Variants in ST6GAL1 observed in about 807,000 individuals in gnomAD.
The protein encoded by ST6GAL1 is ST6 beta-galactoside alpha-2,6-sialyltransferase 1.
Under a neutral mutation model 38.0 loss-of-function variants are expected in ST6GAL1, and 20 were observed. The ratio of observed to expected loss-of-function variants is 0.53; its 90% confidence interval spans 0.37 to 0.77. The LOEUF (loss-of-function observed/expected upper bound fraction) is 0.77, where lower values mean the gene tolerates loss of function less well. Ranked by LOEUF, ST6GAL1 falls within the 30% of genes least tolerant of loss-of-function variation. The pLI is 0.00. For missense variants in ST6GAL1, 432 were observed against 496.4 expected, an observed-to-expected ratio of 0.87 and a Z score of 1.23; for synonymous variants, 196 against 188.2, an observed-to-expected ratio of 1.04 and a Z score of -0.34.
At position 187,075,420 on chromosome 3, in the gene ST6GAL1, A is replaced by T; in HGVS notation, c.980-142A>T. On this transcript the variant is annotated intron_variant, in intron 7 of 7. Transcript: ENST00000169298. This position sits in a 1 kb window ranked among gnomAD's most constrained non-coding sequence, Gnocchi z 4.1. ...CTGGGCTTGGCTTGCTGAAACTTAG[A>T]TTGGGAATCACAGTCATAAATAGAA... The T allele has an allele frequency of 7.7e-7, 1 of 1,302,416 alleles. No individual in the cohort carries two copies. The highest frequency in any genetic ancestry group is 1.0e-6 in the Non-Finnish European group (1 of 953,042). The allele number at this position is 1,302,416 out of a possible 1,614,324, so 80.7% of individuals were successfully genotyped here.
chr3:187,071,725 A>G (rs768656714), intron 5 of ST6GAL1, among the ~76,000 whole-genome samples: 13 of 141,846 alleles, frequency 9.2e-5, no homozygotes, highest in Non-Finnish European at 1.8e-4. Flanking sequence ...ACGCCACTGC[A>G]CTCCAGCCTG....
At chr3:187,060,585 G>C (rs1266689978) in intron 5 of ST6GAL1, among the ~76,000 whole-genome samples, 1 of 152,224 alleles carries the variant, frequency 6.6e-6, no homozygotes, top group Non-Finnish European at 1.5e-5. Flanking sequence ...AAGTAGTCTG[G>C]GTTAGATACG....
rs140884568 is a variant in ST6GAL1, at chr3:187,058,673, G to A, written c.705+7327G>A. 5.9e-3 allele frequency among the ~76,000 whole-genome samples: 892 copies of A among 151,400 alleles called. 9 individuals are homozygous for A. The East Asian group carries it at 0.062, about 10-fold the overall frequency. On this transcript the variant is annotated intron_variant, in intron 5 of 7. Transcript: ENST00000169298. ...TTATTATTATTTGAGATGGAGTTTC[G>A]CTCTGTCACCCAGGCTGGAGTGCAG...
chr3:186,982,775 G>A (rs962314304), intron 2 of ST6GAL1, among the ~76,000 whole-genome samples: 1 of 151,368 alleles, frequency 6.6e-6, no homozygotes, highest in African/African-American at 2.4e-5. Flanking sequence ...TCCGCTACCC[G>A]GGTTCAAGTG....
chr3:186,978,970 T>TGACTTCC (rs1560148918), intron 2 of ST6GAL1, among the ~76,000 whole-genome samples: 1 of 151,952 alleles, frequency 6.6e-6, no homozygotes, highest in Admixed American at 6.6e-5. Context: ...TTCTGACTTC[T>TGACTTCC]GACTTCCTCT....
In ST6GAL1 at chr3:187,021,676, G is replaced by A. The variant is rs573033806; in HGVS notation, c.-182-17066G>A. ...GAATTGCTTGAACCCGGGAGGCAGAGGTTGCAGTGAATCAAGATCATGCTA... is the reference window on the plus strand; with the variant it reads ...GAATTGCTTGAACCCGGGAGGCAGAAGTTGCAGTGAATCAAGATCATGCTA... On this transcript the variant is annotated intron_variant, in intron 2 of 7. Transcript: ENST00000169298. Among the ~76,000 whole-genome samples, 289 of 149,954 alleles carry A rather than the reference G, an allele frequency of 1.9e-3. 5 individuals carry two copies. Among genetic ancestry groups the A allele is most frequent in the Middle Eastern group, 0.014 (4 of 294 alleles).
At chr3:186,983,265 A>C (rs1715753920) in intron 2 of ST6GAL1, among the ~76,000 whole-genome samples, 1 of 152,194 alleles carries the variant, frequency 6.6e-6, no homozygotes, top group African/African-American at 2.4e-5. Flanking sequence ...TGGCAGTTGA[A>C]ATGCTTACGG....
At chr3:187,017,460 C>T (rs941494173) in intron 2 of ST6GAL1, among the ~76,000 whole-genome samples, 1 of 143,168 alleles carries the variant, frequency 7.0e-6, no homozygotes, top group Non-Finnish European at 1.5e-5. Flanking sequence ...CACCACTCAC[C>T]TTCATGGCTG....
intron 5 of ST6GAL1, among the ~76,000 whole-genome samples, chr3:187,064,252 T>C (rs1429328633): frequency 2.0e-5 from 3 of 152,206 alleles, no homozygotes; most frequent in Non-Finnish European, 4.4e-5. Context: ...ATATTACAAC[T>C]GGTTCAAAGG....
At chr3:187,072,582 C>T (rs1488709034) in intron 5 of ST6GAL1, 8 of 403,532 alleles carry the variant, frequency 2.0e-5, no homozygotes, top group Non-Finnish European at 3.8e-5. Context: ...TTCACTGTAC[C>T]CTTGCCCCCG....
At chr3:187,023,762 A>T (rs1351523883) in intron 2 of ST6GAL1, among the ~76,000 whole-genome samples, 3 of 152,100 alleles carry the variant, frequency 2.0e-5, no homozygotes, top group Non-Finnish European at 4.4e-5. Flanking sequence ...GAGGGATAGC[A>T]TTAGGAGATA....
chr3:187,021,150 G>A (rs1315731453), intron 2 of ST6GAL1, among the ~76,000 whole-genome samples: 1 of 152,030 alleles, frequency 6.6e-6, no homozygotes, highest in East Asian at 1.9e-4. Context: ...TTTTAGTAGA[G>A]ATGGGATTTC....
chr3:186,985,554 A>G (rs2108540932), intron 2 of ST6GAL1, among the ~76,000 whole-genome samples: 1 of 151,868 alleles, frequency 6.6e-6, no homozygotes, highest in Non-Finnish European at 1.5e-5. Flanking sequence ...TCTTGAGCTC[A>G]GAAGTTCGAG....
chr3:187,012,917 A>G (rs1045007502), intron 2 of ST6GAL1, among the ~76,000 whole-genome samples: 10 of 152,134 alleles, frequency 6.6e-5, no homozygotes, highest in East Asian at 5.8e-4. Context: ...AGCGTTTCCT[A>G]TGTCAGGCCG....
intron 2 of ST6GAL1, among the ~76,000 whole-genome samples, chr3:187,033,706 G>A (rs987914395): frequency 6.6e-6 from 1 of 152,106 alleles, no homozygotes; most frequent in African/African-American, 2.4e-5. Context: ...ATGCTTAGTT[G>A]TTAACAGATT....
chr3:186,995,530 A>AT (rs1255754400), intron 2 of ST6GAL1, among the ~76,000 whole-genome samples: 2,338 of 129,018 alleles, frequency 0.018, 114 homozygotes, highest in African/African-American at 0.07. Context: ...AATAAAATAA[A>AT]AAAAAAATAA....
intron 2 of ST6GAL1, among the ~76,000 whole-genome samples, chr3:187,021,404 G>A (rs1717294270): frequency 6.6e-6 from 1 of 152,126 alleles, no homozygotes; most frequent in South Asian, 2.1e-4. Context: ...CCTGCCCCAA[G>A]GCAAGGTTTT....
intron 2 of ST6GAL1, among the ~76,000 whole-genome samples, chr3:187,012,073 C>T (rs1249847429): frequency 6.6e-6 from 1 of 152,166 alleles, no homozygotes; most frequent in Non-Finnish European, 1.5e-5. Context: ...TTCCTCCCCA[C>T]TCACTGTTTG....
intron 2 of ST6GAL1, among the ~76,000 whole-genome samples, chr3:186,977,932 G>T (rs1024074170): frequency 1.3e-5 from 2 of 152,246 alleles, no homozygotes; most frequent in Admixed American, 6.5e-5. Flanking sequence ...AAACAGTCTC[G>T]GCCGGGCGTG....
Sources: allele counts gnomAD v4.1 joint callset (sites outside exome capture counted in the v4.1 genomes callset), GRCh38; gene constraint gnomAD v4.1.1; non-coding constraint Gnocchi (gnomAD v3.1); transcripts MANE v1.5; gene names NCBI Gene and HGNC (gene_info 2026-07-23, HGNC 2026-07-21).